TMPRSS2: variants seen among roughly 807,000 people sequenced by gnomAD.
The protein encoded by TMPRSS2 is transmembrane protease serine 2.
In TMPRSS2, 59 loss-of-function variants were observed where a neutral mutation model predicts 67.4. The observed-to-expected ratio is 0.88, with a 90% CI of 0.71 to 1.09. The LOEUF (loss-of-function observed/expected upper bound fraction) is 1.09. Ranked by LOEUF, TMPRSS2 falls within the 50% of genes least tolerant of loss-of-function variation. TMPRSS2 has a pLI of 0.00. For missense variants in TMPRSS2, 668 were observed against 642.7 expected, an observed-to-expected ratio of 1.04 and a Z score of -0.43; for synonymous variants, 257 against 257.0, an observed-to-expected ratio of 1.00 and a Z score of 0.00.
intron 3 of TMPRSS2, among the ~76,000 whole-genome samples, chr21:41,490,837 G>A (rs1156253213): frequency 5.3e-5 from 8 of 152,214 alleles, no homozygotes; most frequent in Non-Finnish European, 8.8e-5. Context: ...TTTCCCTGAA[G>A]AAAGGTGCAG....
chr21:41,507,387 G>C (rs2091465380), intron 1 of TMPRSS2, among the ~76,000 whole-genome samples: 1 of 152,162 alleles, frequency 6.6e-6, no homozygotes, highest in African/African-American at 2.4e-5. Context: ...GGGTGTCCAG[G>C]AGGCCCCGGC....
intron 11 of TMPRSS2, among the ~76,000 whole-genome samples, chr21:41,469,909 C>G (rs2091116722): frequency 6.6e-6 from 1 of 152,142 alleles, no homozygotes; most frequent in Non-Finnish European, 1.5e-5. Context: ...TCCATGAGGT[C>G]TTTTGCCCAG....
intron 1 of TMPRSS2, 96 bp downstream of exon 1, chr21:41,507,985 C>A: frequency 1.4e-6 from 2 of 1,441,070 alleles, no homozygotes; most frequent in Non-Finnish European, 1.8e-6. Flanking sequence ...GCTTTCACCT[C>A]CGGGCGGGGC....
intron 8 of TMPRSS2, among the ~76,000 whole-genome samples, chr21:41,476,161 T>G (rs899232225): frequency 1.3e-5 from 2 of 152,308 alleles, no homozygotes; most frequent in East Asian, 3.9e-4. Context: ...CGGGTCCCAC[T>G]GGCTGATGAG....
chr21:41,495,020 G>C (rs2091370862), intron 2 of TMPRSS2, among the ~76,000 whole-genome samples: 1 of 149,290 alleles, frequency 6.7e-6, no homozygotes, highest in Non-Finnish European at 1.5e-5. Flanking sequence ...AGTGAGCTGA[G>C]ATCTCACCAC....
intron 3 of TMPRSS2, among the ~76,000 whole-genome samples, chr21:41,491,151 ATTTT>A (rs35598191): frequency 0.14 from 15,400 of 106,444 alleles, 1,068 homozygotes; most frequent in African/African-American, 0.24. Context: ...TCTGCATTGC[ATTTT>A]TTTTTTTTTT....
chr21:41,480,031 T>A (rs1038832852), intron 6 of TMPRSS2, among the ~76,000 whole-genome samples: 5 of 152,180 alleles, frequency 3.3e-5, no homozygotes, highest in Non-Finnish European at 7.3e-5. Context: ...AAGGCTTCCA[T>A]GGCTCCCGAA....
At chr21:41,476,271 T>C (rs2091211947) in intron 8 of TMPRSS2, among the ~76,000 whole-genome samples, 1 of 152,184 alleles carries the variant, frequency 6.6e-6, no homozygotes, top group Admixed American at 6.5e-5. Flanking sequence ...CCCCCTTTGC[T>C]TTCTGGAGAA....
At chr21:41,488,819 G>A (rs2091315813) in intron 4 of TMPRSS2, among the ~76,000 whole-genome samples, 2 of 152,128 alleles carry the variant, frequency 1.3e-5, no homozygotes, top group African/African-American at 4.8e-5. Context: ...TGTATTTTTA[G>A]TAGAGATGGA....
chr21:41,470,027 G>A (rs970977643), intron 11 of TMPRSS2, among the ~76,000 whole-genome samples: 1 of 152,096 alleles, frequency 6.6e-6, no homozygotes, highest in Non-Finnish European at 1.5e-5. Context: ...TTTTCCCCTT[G>A]TTTGAAAGGA....
At position 41,498,178 on chromosome 21, in the gene TMPRSS2, G is replaced by T. The variant is rs2091398703; in HGVS notation, c.-45C>A. The T allele has an allele frequency of 6.2e-7, 1 of 1,610,556 alleles. No homozygotes were observed. The highest frequency in any genetic ancestry group is 8.5e-7 in the Non-Finnish European group (1 of 1,177,314). On this transcript the variant is annotated 5_prime_UTR_variant, in exon 2 of 14. Coordinates refer to ENST00000332149, the MANE Select transcript of TMPRSS2 (RefSeq NM_005656.4). Reference sequence around the variant, plus strand: ...TCGAGTAATGATAGGTATCTGGAATGTTCAATATGACCTAGAAGAAAGAAT... The same window carrying T: ...TCGAGTAATGATAGGTATCTGGAATTTTCAATATGACCTAGAAGAAAGAAT...
In TMPRSS2 at chr21:41,471,807, G is replaced by A. The variant is rs139144487; in HGVS notation, c.1074C>T (p.Asn358=). ...LMKLQKPLTF[N]DLVKPVCLPN... The stretch of plus-strand genomic sequence containing the variant: ...TTGCCAAGCCTGAGCCACACGTACC[G>A]TTGAAAGTCAGAGGCTTCTGCAGCT... The change falls in exon 10 of 14, where the codon AAC becomes AAT. Residue 358 remains asparagine, a splice_region_variant and synonymous_variant. Coordinates refer to ENST00000332149, the MANE Select transcript of TMPRSS2 (RefSeq NM_005656.4). 4.8e-5 allele frequency: 77 copies of A among 1,596,452 alleles called. 2 individuals are homozygous for A. The Middle Eastern group carries it at 5.0e-4, about 10-fold the overall frequency.
In TMPRSS2 at chr21:41,494,457, G is replaced by C. The variant is rs1016773134; in HGVS notation, c.137C>G (p.Pro46Arg). ...VYEVHPAQYY[P>R]SPVPQYAPRV... ...CGGGGCGTACTGGGGCACGGGGGACGGGTAGTACTGAGCCGGATGCACCTC... is the reference window on the plus strand; with the variant it reads ...CGGGGCGTACTGGGGCACGGGGGACCGGTAGTACTGAGCCGGATGCACCTC... Residue 46 changes from proline (P) to arginine (R), a missense_variant, in exon 3 of 14, where the codon CCG becomes CGG. Coordinates refer to ENST00000332149, the MANE Select transcript of TMPRSS2 (RefSeq NM_005656.4). 5 of 1,613,992 alleles carry C rather than the reference G, an allele frequency of 3.1e-6. No homozygotes were observed. The highest frequency in any genetic ancestry group is 4.2e-6 in the Non-Finnish European group (5 of 1,179,968).
chr21:41,467,972 G>A lies in TMPRSS2; in HGVS notation c.1315-86C>T, dbSNP rs1569008410. On this transcript the variant is annotated intron_variant, in intron 12 of 13. Transcript: ENST00000332149. Reference sequence around the variant, plus strand: ...TGACCAGGCCTAGAGGAGTTGGGGGGCGGGGGTCGCAGTGTGAGTTACGAG... The same window carrying A: ...TGACCAGGCCTAGAGGAGTTGGGGGACGGGGGTCGCAGTGTGAGTTACGAG... 4.7e-6 allele frequency: 7 copies of A among 1,497,854 alleles called. 1 individual carries two copies. The South Asian group carries it at 4.8e-5, about 10-fold the overall frequency. 92.8% of individuals were successfully genotyped at this position (1,497,854 alleles called of 1,614,324 possible). A position where few individuals can be genotyped will look rare whatever the true frequency, so the allele number is the denominator to read the frequency against.
At chr21:41,490,694 C>G (rs939464794) in intron 3 of TMPRSS2, among the ~76,000 whole-genome samples, 4 of 152,212 alleles carry the variant, frequency 2.6e-5, no homozygotes, top group African/African-American at 9.7e-5. Flanking sequence ...GTTCAGAAGA[C>G]AGCTACAGGT....
chr21:41,485,081 C>CGTGTGTGTGT (rs10668560), intron 5 of TMPRSS2, among the ~76,000 whole-genome samples: 74 of 140,252 alleles, frequency 5.3e-4, no homozygotes, highest in Non-Finnish European at 5.7e-4. Flanking sequence ...GGGAGTGATG[C>CGTGTGTGTGT]GTGTGTGTGT....
chr21:41,489,061 T>C (rs2091317531), intron 4 of TMPRSS2, among the ~76,000 whole-genome samples: 2 of 152,332 alleles, frequency 1.3e-5, no homozygotes, highest in South Asian at 4.1e-4. Flanking sequence ...TGTTTGGGTT[T>C]GGACGGCACT....
intron 1 of TMPRSS2, chr21:41,507,820 T>C (rs371055210): frequency 5.5e-6 from 6 of 1,088,384 alleles, no homozygotes; most frequent in Admixed American, 7.4e-5. Flanking sequence ...AACCTCGCGA[T>C]GCCAAGCCAA....
Position 41,478,607 on chromosome 21 carries a change from C to T in TMPRSS2, c.683+565G>A, listed in dbSNP as rs535041396. Among the ~76,000 whole-genome samples the T allele has an allele frequency of 5.3e-5, 8 of 152,324 alleles. No individual in the cohort carries two copies. In the East Asian group the frequency reaches 1.5e-3, roughly 29 times the overall value. ...GACCTGTGGCTTGTACCCACTTCTA[C>T]CCCCTGGAAACACCACAACTCATTC... On this transcript the variant is annotated intron_variant, in intron 7 of 13. Transcript: ENST00000332149. The surrounding 1 kb of genome is among the most constrained non-coding windows in gnomAD (Gnocchi z 4.0).
Sources: gnomAD v4.1 joint callset for allele counts (sites outside exome capture counted in the v4.1 genomes callset) on GRCh38, gnomAD v4.1.1 for gene constraint, Gnocchi (gnomAD v3.1) non-coding constraint, MANE v1.5 for transcripts, NCBI Gene and HGNC (gene_info 2026-07-23, HGNC 2026-07-21) for gene names.